Variants in STON2 observed in about 807,000 individuals in gnomAD.
The protein encoded by STON2 is stonin-2.
In STON2, 29 loss-of-function variants were observed where a neutral mutation model predicts 65.7. The observed-to-expected ratio is 0.44, with a 90% CI of 0.33 to 0.60. The LOEUF (loss-of-function observed/expected upper bound fraction) is 0.60. Ranked by LOEUF, STON2 falls within the 20% of genes least tolerant of loss-of-function variation. The probability of loss-of-function intolerance (pLI) is 0.03; values close to 1 mark genes in which losing one functional copy is unlikely to be tolerated. For missense variants in STON2, 1,054 were observed against 1,118.1 expected (o/e 0.94, Z 0.82); for synonymous variants, 404 against 414.2 (o/e 0.98, Z 0.30).
intron 4 of STON2, among the ~76,000 whole-genome samples, chr14:81,341,139 G>A (rs923782409): frequency 6.6e-6 from 1 of 152,070 alleles, no homozygotes; most frequent in Middle Eastern, 3.2e-3. Flanking sequence ...TCACATACAA[G>A]ATAATGATCA....
Position 81,393,251 on chromosome 14 carries a change from A to G in STON2, c.373+2643T>C, listed in dbSNP as rs538126070. Among the ~76,000 whole-genome samples the G allele has an allele frequency of 3.3e-5, 5 of 152,352 alleles. No homozygotes were observed. The East Asian group carries it at 9.6e-4, about 29-fold the overall frequency. ...GGAAATCTTTGAGGCTAAAGATAAA[A>G]TGTGAAAGAATCTGAATGGCATGAA... is the stretch of plus-strand genomic sequence containing the variant. On this transcript the variant is annotated intron_variant, in intron 3 of 7. Transcript: ENST00000614646.
intron 4 of STON2, among the ~76,000 whole-genome samples, chr14:81,358,300 G>A (rs1357031597): frequency 6.6e-6 from 1 of 152,126 alleles, no homozygotes; most frequent in Non-Finnish European, 1.5e-5. Context: ...AATGTGTAGA[G>A]TTGTTATATA....
Position 81,276,933 on chromosome 14 carries a change from C to T in STON2, c.2549G>A (p.Trp850Ter). 6.2e-7 allele frequency: 1 copy of T among 1,613,858 alleles called. No individual in the cohort carries two copies. The highest frequency in any genetic ancestry group is 8.5e-7 in the Non-Finnish European group (1 of 1,179,772). ...KYEHAFNSIV[W>*]RINRLPDKNS... Reference sequence around the variant, plus strand: ...TTTGTCCGGCAGTCGGTTTATCCTCCACACAATGGAGTTGAAGGCATGCTC... The same window carrying T: ...TTTGTCCGGCAGTCGGTTTATCCTCTACACAATGGAGTTGAAGGCATGCTC... Residue 850 changes from tryptophan to a stop codon, truncating the protein, a stop_gained, in exon 6 of 8, where the codon TGG (tryptophan) becomes TAG (stop). Transcript: ENST00000614646. LOFTEE classifies it high-confidence loss of function.
At chr14:81,294,047 C>T (rs1895665512) in intron 5 of STON2, among the ~76,000 whole-genome samples, 1 of 152,128 alleles carries the variant, frequency 6.6e-6, no homozygotes, top group Non-Finnish European at 1.5e-5. Flanking sequence ...TATTTTCGCT[C>T]ACAGTAAAAT....
intron 5 of STON2, among the ~76,000 whole-genome samples, chr14:81,304,599 C>T (rs1489152348): frequency 6.6e-6 from 1 of 152,050 alleles, no homozygotes; most frequent in East Asian, 1.9e-4. Flanking sequence ...TGAAACAGGC[C>T]TGTGATGAAT....
chr14:81,275,941 T>C (rs530080251), intron 6 of STON2, among the ~76,000 whole-genome samples: 93 of 152,364 alleles, frequency 6.1e-4, no homozygotes, highest in Non-Finnish European at 1.2e-3. Context: ...GCCATTTCAC[T>C]CAAGAGTTTT....
intron 5 of STON2, among the ~76,000 whole-genome samples, chr14:81,321,557 T>C (rs1896823876): frequency 6.6e-6 from 1 of 152,026 alleles, no homozygotes. Context: ...AATATACAGT[T>C]TTCAATCAGC....
At chr14:81,279,661 AGCCTGGG>A (rs1895027478) in intron 5 of STON2, among the ~76,000 whole-genome samples, 1 of 152,142 alleles carries the variant, frequency 6.6e-6, no homozygotes, top group South Asian at 2.1e-4. Flanking sequence ...ACTGCACTCC[AGCCTGGG>A]CAACAGAGCG....
chr14:81,357,304 C>T (rs902866914), intron 4 of STON2, among the ~76,000 whole-genome samples: 3 of 152,120 alleles, frequency 2.0e-5, no homozygotes, highest in African/African-American at 4.8e-5. Context: ...AAAAAATGCT[C>T]ACCATCACTG....
intron 3 of STON2, among the ~76,000 whole-genome samples, chr14:81,384,233 TTTTA>T (rs35642886): frequency 0.013 from 2,012 of 151,010 alleles, 49 homozygotes; most frequent in African/African-American, 0.046. Context: ...ACTGTATTAT[TTTTA>T]TTTATTTATT....
At chr14:81,405,511 A>T (rs375560234) in intron 2 of STON2, among the ~76,000 whole-genome samples, 385 of 46,262 alleles carry the variant, frequency 8.3e-3, no homozygotes, top group Middle Eastern at 0.014. Flanking sequence ...TAAGGTTTTT[A>T]CTTTCCTAAG....
At chr14:81,347,350 C>T (rs1348588697) in intron 4 of STON2, among the ~76,000 whole-genome samples, 2 of 151,952 alleles carry the variant, frequency 1.3e-5, no homozygotes, top group Non-Finnish European at 2.9e-5. Context: ...CCTGGACACA[C>T]ATAAAACCTA....
intron 5 of STON2, among the ~76,000 whole-genome samples, chr14:81,313,749 C>T (rs7160960): frequency 0.092 from 13,737 of 148,896 alleles, 718 homozygotes; most frequent in Non-Finnish European, 0.1. Flanking sequence ...GAGCCAAGAT[C>T]GTGCCACTGC....
intron 4 of STON2, among the ~76,000 whole-genome samples, chr14:81,340,082 G>A (rs568813105): frequency 3.3e-5 from 5 of 152,264 alleles, no homozygotes; most frequent in Admixed American, 6.5e-5. Context: ...TAAACCCGGG[G>A]GATGGAGCCT....
At chr14:81,434,284 C>A (rs1381360233) in intron 1 of STON2, among the ~76,000 whole-genome samples, 1 of 152,196 alleles carries the variant, frequency 6.6e-6, no homozygotes, top group South Asian at 2.1e-4. Flanking sequence ...TGAGATCTCA[C>A]GAGGTGGGAG....
intron 4 of STON2, among the ~76,000 whole-genome samples, chr14:81,365,869 A>G (rs980022963): frequency 2.0e-5 from 3 of 152,238 alleles, no homozygotes; most frequent in Admixed American, 2.0e-4. Context: ...AATGAACTTC[A>G]AAGGCAGAAG....
Position 81,395,966 on chromosome 14 carries a change from T to C in STON2, c.301A>G (p.Asn101Asp). Reference sequence around the variant, plus strand: ...GTGTCATCTTCAAACTGAACCCAGTTGCTGATGGCCGAGGCCAGGTCAGGT... The same window carrying C: ...GTGTCATCTTCAAACTGAACCCAGTCGCTGATGGCCGAGGCCAGGTCAGGT... ...PPPDLASAISNWVQFEDDTPW... is the reference protein window; with the variant it reads ...PPPDLASAISDWVQFEDDTPW... Residue 101 changes from asparagine (N) to aspartate (D), a missense_variant, in exon 3 of 8, where the codon AAC (asparagine) becomes GAC (aspartate). Physicochemically the swap from Asn to Asp is conservative, Grantham distance 23. Transcript: ENST00000614646. 1.2e-6 allele frequency: 2 copies of C among 1,614,128 alleles called. No individual in the cohort carries two copies. Among genetic ancestry groups the C allele is most frequent in the Non-Finnish European group, 1.7e-6 (2 of 1,180,006 alleles).
intron 1 of STON2, among the ~76,000 whole-genome samples, chr14:81,428,298 A>G (rs3825608): frequency 0.021 from 3,147 of 152,246 alleles, 116 homozygotes; most frequent in East Asian, 0.16. Context: ...ACAAAGTATT[A>G]TTTTTGACAG....
intron 3 of STON2, among the ~76,000 whole-genome samples, chr14:81,382,830 G>A (rs1213487064): frequency 6.6e-6 from 1 of 152,126 alleles, no homozygotes; most frequent in Non-Finnish European, 1.5e-5. Context: ...AAATGCCAAC[G>A]TTTCTCTTGA....
Sources: allele counts gnomAD v4.1 joint callset (sites outside exome capture counted in the v4.1 genomes callset), GRCh38; gene constraint gnomAD v4.1.1; transcripts MANE v1.5; gene names NCBI Gene and HGNC (gene_info 2026-07-23, HGNC 2026-07-21).